The following FARP1 variants were observed in gnomAD, a reference collection of about 807,000 sequenced individuals.
FARP1 encodes the protein FERM, ARHGEF and pleckstrin domain-containing protein 1.
In FARP1, 52 loss-of-function variants were observed where a neutral mutation model predicts 128.8. The ratio of observed to expected loss-of-function variants is 0.40; its 90% CI spans 0.32 to 0.51. The LOEUF (loss-of-function observed/expected upper bound fraction) is 0.51, where lower values mean the gene tolerates loss of function less well. Ranked by LOEUF, FARP1 falls within the 20% of genes least tolerant of loss-of-function variation. The pLI is 0.45. For synonymous variants in FARP1, 580 were observed against 551.8 expected, an observed-to-expected ratio of 1.05 and a Z score of -0.72; for missense variants, 1,333 against 1,367.9, an observed-to-expected ratio of 0.97 and a Z score of 0.40.
intron 2 of FARP1, among the ~76,000 whole-genome samples, chr13:98,281,879 A>G (rs58542220): frequency 0.031 from 4,782 of 152,238 alleles, 233 homozygotes; most frequent in African/African-American, 0.11. Flanking sequence ...CACGCATCTT[A>G]CTGCCTCAAC....
At chr13:98,416,173 C>G (rs1183890198) in intron 16 of FARP1, among the ~76,000 whole-genome samples, 2 of 152,164 alleles carry the variant, frequency 1.3e-5, no homozygotes, top group Non-Finnish European at 2.9e-5. Flanking sequence ...GTCGGCAAAA[C>G]TAAGAAAACA....
intron 2 of FARP1, among the ~76,000 whole-genome samples, chr13:98,238,186 G>A (rs1882546594): frequency 6.6e-6 from 1 of 152,186 alleles, no homozygotes; most frequent in Non-Finnish European, 1.5e-5. Flanking sequence ...ATGCCATCAG[G>A]AAAATCATAG....
intron 1 of FARP1, among the ~76,000 whole-genome samples, chr13:98,159,929 A>G (rs73559585): frequency 0.045 from 6,884 of 152,286 alleles, 446 homozygotes; most frequent in African/African-American, 0.14. Context: ...AATCTGGTCA[A>G]TCACCAGACG....
chr13:98,149,211 C>T (rs1397145717), intron 1 of FARP1, among the ~76,000 whole-genome samples: 1 of 152,066 alleles, frequency 6.6e-6, no homozygotes, highest in East Asian at 1.9e-4. Flanking sequence ...ATTCCTCTCT[C>T]TCTTCTTCCC....
chr13:98,228,400 A>G (rs1881917024), intron 2 of FARP1, among the ~76,000 whole-genome samples: 1 of 151,982 alleles, frequency 6.6e-6, no homozygotes, highest in African/African-American at 2.4e-5. Context: ...TAAAATGGTA[A>G]ACCCCATGTT....
At chr13:98,261,822 C>T (rs968645752) in intron 2 of FARP1, among the ~76,000 whole-genome samples, 1 of 152,098 alleles carries the variant, frequency 6.6e-6, no homozygotes, top group Non-Finnish European at 1.5e-5. Flanking sequence ...CGAGAACTCA[C>T]TGTTGCTGTG....
chr13:98,338,719 A>G (rs1156989428), intron 2 of FARP1: 1 of 152,228 alleles, frequency 6.6e-6, no homozygotes, highest in Non-Finnish European at 1.5e-5. Context: ...TAATTTTGAG[A>G]AACTGCTGTA....
At chr13:98,288,998 A>G (rs1298090393) in intron 2 of FARP1, among the ~76,000 whole-genome samples, 15 of 148,792 alleles carry the variant, frequency 1.0e-4, no homozygotes, top group Non-Finnish European at 1.6e-4. Flanking sequence ...TGTATGAGCA[A>G]TTCGACTCAG....
chr13:98,171,953 G>T (rs1419055984), intron 1 of FARP1, among the ~76,000 whole-genome samples: 1 of 152,140 alleles, frequency 6.6e-6, no homozygotes, highest in Non-Finnish European at 1.5e-5. Flanking sequence ...TCAGCCTGAG[G>T]TTTGGTTTTG....
At chr13:98,184,116 T>C (rs1243160327) in intron 1 of FARP1, among the ~76,000 whole-genome samples, 1 of 152,106 alleles carries the variant, frequency 6.6e-6, no homozygotes, top group East Asian at 1.9e-4. Context: ...AAGCATTGTT[T>C]TTTGTTTGTT....
At chr13:98,388,514 C>A in intron 9 of FARP1, 36 bp downstream of exon 9, 1 of 1,503,100 alleles carries the variant, frequency 6.7e-7, no homozygotes, top group Non-Finnish European at 9.3e-7. Flanking sequence ...ACCCGTTGAG[C>A]CATGGGATGG....
At chr13:98,393,158 G>C (rs774648657) in intron 11 of FARP1, among the ~76,000 whole-genome samples, 14 of 152,206 alleles carry the variant, frequency 9.2e-5, no homozygotes, top group Non-Finnish European at 1.8e-4. Context: ...GTTGAGGGCA[G>C]GCCTTTTCCT....
At chr13:98,266,078 A>G (rs1884101783) in intron 2 of FARP1, among the ~76,000 whole-genome samples, 1 of 152,064 alleles carries the variant, frequency 6.6e-6, no homozygotes, top group Non-Finnish European at 1.5e-5. Context: ...AGAGTGACTG[A>G]ATAATGAGGG....
chr13:98,385,905 A>C, intron 8 of FARP1, 91 bp downstream of exon 8: 2 of 1,326,308 alleles, frequency 1.5e-6, no homozygotes, highest in Non-Finnish European at 2.1e-6. Context: ...GTGGGCTAAG[A>C]CCTCTGATGG....
chr13:98,274,590 T>C (rs1054609882), intron 2 of FARP1, among the ~76,000 whole-genome samples: 1 of 152,084 alleles, frequency 6.6e-6, no homozygotes, highest in African/African-American at 2.4e-5. Flanking sequence ...AAGTAAACAA[T>C]GAGATAAACA....
chr13:98,422,580 T>G (rs1452092807), intron 16 of FARP1, among the ~76,000 whole-genome samples: 2 of 152,166 alleles, frequency 1.3e-5, no homozygotes, highest in Non-Finnish European at 2.9e-5. Flanking sequence ...GTCTTTCCTG[T>G]GATGTAATTT....
At chr13:98,151,791 A>T (rs1275562594) in intron 1 of FARP1, among the ~76,000 whole-genome samples, 3 of 150,018 alleles carry the variant, frequency 2.0e-5, no homozygotes, top group Non-Finnish European at 3.0e-5. Context: ...CATCCCAAGT[A>T]GCTGAGATTA....
At chr13:98,310,900 T>C (rs1886430039) in intron 2 of FARP1, among the ~76,000 whole-genome samples, 1 of 152,178 alleles carries the variant, frequency 6.6e-6, no homozygotes, top group Non-Finnish European at 1.5e-5. Flanking sequence ...CAGAGTCCCC[T>C]TCCCCATTAC....
intron 2 of FARP1, among the ~76,000 whole-genome samples, chr13:98,223,148 G>C (rs1566761521): frequency 6.6e-6 from 1 of 152,214 alleles, no homozygotes; most frequent in Non-Finnish European, 1.5e-5. Flanking sequence ...ACAGAAGCAG[G>C]GAGCCCCCCA....
Sources: allele counts gnomAD v4.1 joint callset (sites outside exome capture counted in the v4.1 genomes callset), GRCh38; gene constraint gnomAD v4.1.1; transcripts MANE v1.5; gene names NCBI Gene and HGNC (gene_info 2026-07-23, HGNC 2026-07-21).